Variants in CDKAL1 observed in about 807,000 individuals in gnomAD.
CDKAL1 encodes the protein CDKAL1 threonylcarbamoyladenosine tRNA methylthiotransferase.
CDKAL1 carries 32 observed loss-of-function variants against 68.2 expected under a neutral mutation model. The ratio of observed to expected loss-of-function variants is 0.47; its 90% confidence interval spans 0.35 to 0.63. The LOEUF is 0.63. CDKAL1 is among the 30% of genes least tolerant of loss of function. The probability of loss-of-function intolerance (pLI) is 0.00; values close to 1 mark genes in which losing one functional copy is unlikely to be tolerated. For synonymous variants in CDKAL1, 234 were observed against 244.3 expected (o/e 0.96, Z 0.39); for missense variants, 606 against 696.7 (o/e 0.87, Z 1.47).
At chr6:20,970,297 G>C (rs149358844) in intron 10 of CDKAL1, among the ~76,000 whole-genome samples, 3 of 152,238 alleles carry the variant, frequency 2.0e-5, no homozygotes, top group African/African-American at 7.2e-5. Flanking sequence ...GTGAGATTAG[G>C]ATAGGCCAAA....
chr6:21,198,034 A>G lies in CDKAL1; in HGVS notation c.1313A>G (p.Gln438Arg). Residue 438 changes from glutamine to arginine, a missense_variant, in exon 14 of 16, where the codon CAA becomes CGA. By Grantham distance (43) the Gln-to-Arg change is conservative. Transcript: ENST00000274695. ...SPYDHKIGERQQVLVTEESFD... is the reference protein window; with the variant it reads ...SPYDHKIGERRQVLVTEESFD... Reference sequence around the variant, plus strand: ...TTCTCTCCACAGATTGGTGAAAGACAACAAGTGTTAGTAACAGAAGAATCT... The same window carrying G: ...TTCTCTCCACAGATTGGTGAAAGACGACAAGTGTTAGTAACAGAAGAATCT... The G allele has an allele frequency of 6.2e-7, 1 of 1,602,590 alleles. No homozygotes were observed. Among genetic ancestry groups the G allele is most frequent in the Non-Finnish European group, 8.5e-7 (1 of 1,173,172 alleles).
chr6:21,105,877 A>G (rs6936205), intron 12 of CDKAL1, among the ~76,000 whole-genome samples: 26,925 of 152,218 alleles, frequency 0.18, 2,487 homozygotes, highest in East Asian at 0.26. Context: ...ATTATTGCCA[A>G]CTGGGAAAAT....
intron 9 of CDKAL1, among the ~76,000 whole-genome samples, chr6:20,944,596 C>T (rs1393324346): frequency 2.6e-5 from 4 of 152,236 alleles, no homozygotes; most frequent in African/African-American, 9.6e-5. Flanking sequence ...CCACCCGCCA[C>T]AGCCTCCCAA....
chr6:20,805,455 G>T (rs1287140181), intron 8 of CDKAL1, among the ~76,000 whole-genome samples: 1 of 152,154 alleles, frequency 6.6e-6, no homozygotes, highest in African/African-American at 2.4e-5. Flanking sequence ...TATTAGCAGG[G>T]CATACCCATC....
chr6:20,630,722 G>T (rs13194407), intron 4 of CDKAL1, among the ~76,000 whole-genome samples: 21,592 of 152,072 alleles, frequency 0.14, 1,708 homozygotes, highest in Non-Finnish European at 0.18. Context: ...AGCTAGCATG[G>T]AATCAGCTTG....
intron 13 of CDKAL1, among the ~76,000 whole-genome samples, chr6:21,175,831 G>A (rs927629253): frequency 6.6e-6 from 1 of 152,202 alleles, no homozygotes. Context: ...TTCACAGCAG[G>A]CTTCATGGTA....
chr6:20,665,891 A>C (rs1769517439), intron 5 of CDKAL1, among the ~76,000 whole-genome samples: 1 of 152,016 alleles, frequency 6.6e-6, no homozygotes. Flanking sequence ...TACAGCATAG[A>C]TCTGTGTAGC....
At chr6:20,578,506 G>A (rs918910750) in intron 4 of CDKAL1, among the ~76,000 whole-genome samples, 4 of 152,102 alleles carry the variant, frequency 2.6e-5, no homozygotes, top group African/African-American at 7.2e-5. Context: ...GTATAAATTC[G>A]ATTTGCTTCT....
intron 5 of CDKAL1, among the ~76,000 whole-genome samples, chr6:20,695,880 A>G (rs2127808962): frequency 6.6e-6 from 1 of 152,326 alleles, no homozygotes; most frequent in South Asian, 2.1e-4. Flanking sequence ...ATTTGTCTGC[A>G]GAGTTTTTTC....
At chr6:21,200,453 TA>T (rs1778642321) in intron 14 of CDKAL1, among the ~76,000 whole-genome samples, 1 of 152,216 alleles carries the variant, frequency 6.6e-6, no homozygotes, top group Non-Finnish European at 1.5e-5. Flanking sequence ...AAGGTTCTTT[TA>T]AATGTACCTC....
At chr6:20,703,484 A>G (rs1771463871) in intron 5 of CDKAL1, among the ~76,000 whole-genome samples, 1 of 152,170 alleles carries the variant, frequency 6.6e-6, no homozygotes, top group Admixed American at 6.5e-5. Context: ...TATGTGCTCT[A>G]ATGTATTTGC....
At chr6:20,550,469 C>T (rs1293804282) in intron 4 of CDKAL1, among the ~76,000 whole-genome samples, 2 of 152,082 alleles carry the variant, frequency 1.3e-5, no homozygotes, top group Non-Finnish European at 2.9e-5. Context: ...TTTCCTGGCA[C>T]CACAAAATGT....
At chr6:20,688,122 C>G (rs940481367) in intron 5 of CDKAL1, among the ~76,000 whole-genome samples, 5 of 150,990 alleles carry the variant, frequency 3.3e-5, no homozygotes, top group Admixed American at 1.3e-4. Flanking sequence ...AAGGGTTATT[C>G]CCCCCTCACC....
At chr6:20,913,154 CACACAT>C (rs1427881373) in intron 9 of CDKAL1, among the ~76,000 whole-genome samples, 84 of 132,554 alleles carry the variant, frequency 6.3e-4, no homozygotes, top group African/African-American at 2.0e-3. Flanking sequence ...CACACACACA[CACACAT>C]TACCACAAAT....
intron 5 of CDKAL1, among the ~76,000 whole-genome samples, chr6:20,658,739 T>TG (rs1217224571): frequency 6.6e-6 from 1 of 152,154 alleles, no homozygotes; most frequent in East Asian, 1.9e-4. Context: ...TTAAAAGAAT[T>TG]AAAAAAAACC....
chr6:20,625,259 T>C (rs1767375025), intron 4 of CDKAL1, among the ~76,000 whole-genome samples: 1 of 152,104 alleles, frequency 6.6e-6, no homozygotes, highest in Admixed American at 6.6e-5. Flanking sequence ...TTTGAGTAGA[T>C]GATAAAACTC....
At chr6:20,723,610 C>T (rs1428605092) in intron 5 of CDKAL1, 5 of 200,336 alleles carry the variant, frequency 2.5e-5, no homozygotes, top group Non-Finnish European at 4.3e-5. Context: ...TGGTGCTTGC[C>T]ACACGCGTTA....
At chr6:21,087,978 C>CATA (rs1772790129) in intron 12 of CDKAL1, among the ~76,000 whole-genome samples, 2 of 151,954 alleles carry the variant, frequency 1.3e-5, no homozygotes, top group Non-Finnish European at 2.9e-5. Flanking sequence ...CAGGATGGGA[C>CATA]GGGACAGGGC....
chr6:20,892,574 G>GTATATTTA (rs908563756), intron 9 of CDKAL1, among the ~76,000 whole-genome samples: 27 of 152,140 alleles, frequency 1.8e-4, no homozygotes, highest in Non-Finnish European at 3.5e-4. Context: ...ATACCGTATT[G>GTATATTTA]TATATTTATA....
Sources: gnomAD v4.1 joint callset for allele counts (sites outside exome capture counted in the v4.1 genomes callset) on GRCh38, gnomAD v4.1.1 for gene constraint, MANE v1.5 for transcripts, NCBI Gene and HGNC (gene_info 2026-07-23, HGNC 2026-07-21) for gene names.